The following DPP6 variants were observed in gnomAD, a reference collection of about 807,000 sequenced individuals.
DPP6 encodes the protein A-type potassium channel modulatory protein DPP6.
In DPP6, 69 loss-of-function variants were observed where a neutral mutation model predicts 122.6. The ratio of observed to expected loss-of-function variants is 0.56; its 90% CI spans 0.46 to 0.69. The LOEUF (loss-of-function observed/expected upper bound fraction) is 0.69, where lower values mean the gene tolerates loss of function less well. Ranked by LOEUF, DPP6 falls within the 30% of genes least tolerant of loss-of-function variation. The pLI is 0.00. For synonymous variants in DPP6, 418 were observed against 433.1 expected (o/e 0.97, Z 0.43); for missense variants, 928 against 1,116.9 (o/e 0.83, Z 2.41).
At chr7:154,379,997 G>A (rs1813452690) in intron 1 of DPP6, among the ~76,000 whole-genome samples, 1 of 152,134 alleles carries the variant, frequency 6.6e-6, no homozygotes, top group Non-Finnish European at 1.5e-5. Flanking sequence ...TAACTGGCCT[G>A]ATTCTTAACA....
chr7:154,875,940 A>G lies in DPP6; in HGVS notation c.1918A>G (p.Lys640Glu), dbSNP rs776175123. ...GTPGSQSVAE[K>E]FEVSWETVMV... ...CCCAGGCAGCCAGAGTGTGGCTGAG[A>G]AGTTCGAGGTGAGCTGGGAGACGGT... The change falls in exon 20 of 26, where the codon AAG becomes GAG. Residue 640 changes from lysine to glutamate, a missense_variant. Lys to Glu is a moderately conservative substitution (Grantham distance 56, BLOSUM62 1). Transcript: ENST00000377770. This position sits in a 1 kb window ranked among gnomAD's most constrained non-coding sequence, Gnocchi z 4.5. 2 of 1,613,054 alleles carry G rather than the reference A, an allele frequency of 1.2e-6. No individual in the cohort carries two copies. Among genetic ancestry groups the G allele is most frequent in the African/African-American group, 2.7e-5 (2 of 74,868 alleles).
chr7:154,258,391 G>T (rs116660918), intron 1 of DPP6, among the ~76,000 whole-genome samples: 45 of 152,242 alleles, frequency 3.0e-4, no homozygotes, highest in African/African-American at 1.1e-3. Context: ...TGAGATTTAT[G>T]CTCCCCACCA....
chr7:154,812,798 A>C (rs1438651369), intron 16 of DPP6, among the ~76,000 whole-genome samples: 1 of 152,176 alleles, frequency 6.6e-6, no homozygotes, highest in African/African-American at 2.4e-5. Flanking sequence ...GTCCTTTGGC[A>C]TACTGATCTT....
intron 5 of DPP6, among the ~76,000 whole-genome samples, chr7:154,575,394 AG>A (rs1831539789): frequency 6.8e-3 from 163 of 24,040 alleles, no homozygotes; most frequent in Admixed American, 0.018. Context: ...ATGTGTGTGT[AG>A]TGTGTGTGTG....
intron 1 of DPP6, among the ~76,000 whole-genome samples, chr7:154,209,905 C>A (rs1799649173): frequency 6.6e-6 from 1 of 152,198 alleles, no homozygotes; most frequent in Non-Finnish European, 1.5e-5. Context: ...AAAACACTAA[C>A]AGATATGCAT....
chr7:154,500,946 C>A (rs1401433105), intron 3 of DPP6, among the ~76,000 whole-genome samples: 1 of 152,158 alleles, frequency 6.6e-6, no homozygotes, highest in Non-Finnish European at 1.5e-5. Context: ...TCCCAAAATG[C>A]TGATAGTGCT....
At chr7:153,866,471 A>C in the DPP6 span, among the ~76,000 whole-genome samples, 1 of 152,132 alleles carries the variant, frequency 6.6e-6, no homozygotes, top group Non-Finnish European at 1.5e-5. Flanking sequence ...GTGTCTGTTC[A>C]TATCCTTTGC....
chr7:154,300,384 G>T (rs1325926099), intron 1 of DPP6, among the ~76,000 whole-genome samples: 3 of 152,220 alleles, frequency 2.0e-5, no homozygotes, highest in Non-Finnish European at 4.4e-5. Flanking sequence ...GAGGCACTGA[G>T]ATCAGCACTT....
intron 5 of DPP6, among the ~76,000 whole-genome samples, chr7:154,593,767 G>A (rs956071800): frequency 1.3e-5 from 2 of 152,268 alleles, no homozygotes; most frequent in African/African-American, 4.8e-5. Context: ...AGGCACTCGG[G>A]GGAGCTCAAA....
chr7:153,867,714 TC>T, the DPP6 span, among the ~76,000 whole-genome samples: 1 of 152,284 alleles, frequency 6.6e-6, no homozygotes, highest in East Asian at 1.9e-4. Context: ...AGAGAGGGCA[TC>T]CCTGTCTTGT....
chr7:153,992,763 G>A (rs959358333), intron 1 of DPP6, among the ~76,000 whole-genome samples: 49 of 152,290 alleles, frequency 3.2e-4, no homozygotes, highest in Admixed American at 1.7e-3. Flanking sequence ...ATGACTAAAT[G>A]GGGTACTTGC....
intron 1 of DPP6, among the ~76,000 whole-genome samples, chr7:153,926,694 A>T (rs1234752495): frequency 1.3e-5 from 2 of 151,598 alleles, no homozygotes; most frequent in African/African-American, 2.4e-5. Context: ...ACTGGTTGTT[A>T]CATGGACAGT....
intron 16 of DPP6, among the ~76,000 whole-genome samples, chr7:154,820,245 G>A (rs562870998): frequency 6.6e-6 from 1 of 152,306 alleles, no homozygotes; most frequent in East Asian, 1.9e-4. Context: ...CGCCTGGGAA[G>A]GAAATCCCTG....
chr7:153,777,404 T>A, the DPP6 span, among the ~76,000 whole-genome samples: 2 of 140,362 alleles, frequency 1.4e-5, no homozygotes, highest in South Asian at 2.5e-4. Context: ...TCAAGAGAAA[T>A]GAAAAGGTGT....
At chr7:153,930,362 C>T (rs1801114400) in intron 1 of DPP6, among the ~76,000 whole-genome samples, 1 of 152,144 alleles carries the variant, frequency 6.6e-6, no homozygotes, top group Non-Finnish European at 1.5e-5. Context: ...ACTGGTGGGT[C>T]ATTGTCTTCA....
At chr7:154,148,611 C>T (rs865980602) in intron 1 of DPP6, among the ~76,000 whole-genome samples, 4 of 151,636 alleles carry the variant, frequency 2.6e-5, no homozygotes, top group Non-Finnish European at 4.4e-5. Context: ...GGCATGGCCA[C>T]GTCTGTCACG....
At chr7:153,912,282 CAAATA>C (rs1172880493) in intron 1 of DPP6, among the ~76,000 whole-genome samples, 4 of 152,164 alleles carry the variant, frequency 2.6e-5, no homozygotes, top group Non-Finnish European at 5.9e-5. Flanking sequence ...TATACACACT[CAAATA>C]AAACGAACTG....
At chr7:154,384,759 A>C (rs1813937393) in intron 1 of DPP6, among the ~76,000 whole-genome samples, 1 of 144,964 alleles carries the variant, frequency 6.9e-6, no homozygotes, top group African/African-American at 2.6e-5. Flanking sequence ...TTTGAGACAG[A>C]GTCTCGCTCT....
Position 154,141,255 on chromosome 7 carries a change from G to A in DPP6, c.243+88192G>A, listed in dbSNP as rs71532702. On this transcript the variant is annotated intron_variant, in intron 1 of 25. Coordinates refer to ENST00000377770, the MANE Select transcript of DPP6 (RefSeq NM_130797.4). ...AGAAGTCAGCTTGTTGCCTTCTGGC[G>A]AATTAAAATTTCATTAAACTTTTCA... Among the ~76,000 whole-genome samples the A allele has an allele frequency of 5.3e-4, 81 of 152,316 alleles. 1 individual carries two copies. Among genetic ancestry groups the A allele is most frequent in the Non-Finnish European group, 5.9e-4 (40 of 68,036 alleles).
Sources: allele counts gnomAD v4.1 joint callset (sites outside exome capture counted in the v4.1 genomes callset), GRCh38; gene constraint gnomAD v4.1.1; non-coding constraint Gnocchi (gnomAD v3.1); transcripts MANE v1.5; gene names NCBI Gene and HGNC (gene_info 2026-07-23, HGNC 2026-07-21).